Variants in COLQ observed in about 807,000 individuals in gnomAD.
COLQ encodes the protein acetylcholinesterase collagenic tail peptide.
In COLQ, 48 loss-of-function variants were observed where a neutral mutation model predicts 69.0. That is an observed-to-expected ratio of 0.70 (90% CI 0.55 to 0.88). The LOEUF is 0.88. Among genes scored for constraint, COLQ ranks in the 40% least tolerant of loss-of-function variants. The pLI is 0.00. For missense variants in COLQ, 618 were observed against 594.6 expected, an observed-to-expected ratio of 1.04 and a Z score of -0.41; for synonymous variants, 217 against 211.2, an observed-to-expected ratio of 1.03 and a Z score of -0.24.
chr3:15,490,206 C>T (rs1045823144), intron 1 of COLQ, among the ~76,000 whole-genome samples: 2 of 152,182 alleles, frequency 1.3e-5, no homozygotes, highest in Admixed American at 1.3e-4. Context: ...TCTGCAGTAT[C>T]AGGAAATAAA....
In COLQ at chr3:15,477,183, G is replaced by A. The variant is rs772842453; in HGVS notation, c.408C>T (p.Pro136=). 52 of 1,605,922 alleles carry A rather than the reference G, an allele frequency of 3.2e-5. No homozygotes were observed. Among genetic ancestry groups the A allele is most frequent in the Non-Finnish European group, 4.4e-5 (52 of 1,176,688 alleles). Residue 136 remains proline, a synonymous_variant, in exon 6 of 17, where the codon CCC becomes CCT. Transcript: ENST00000383788. ...GRPGRKGRPG[P]PGVPGMPGPI... Reference sequence around the variant, plus strand: ...GCCCAGGCATGCCAGGAACACCTGGGGGGCCAGGTCTACCCTTCAAAGACC... The same window carrying A: ...GCCCAGGCATGCCAGGAACACCTGGAGGGCCAGGTCTACCCTTCAAAGACC...
intron 5 of COLQ, 80 bp downstream of exon 5, chr3:15,478,897 T>C (rs1042160684): frequency 6.4e-7 from 1 of 1,557,022 alleles, no homozygotes; most frequent in South Asian, 1.1e-5. Flanking sequence ...TGCATTGCTG[T>C]TCCCCCCTCC....
chr3:15,476,804 C>T (rs1007695231), intron 6 of COLQ, among the ~76,000 whole-genome samples: 4 of 152,192 alleles, frequency 2.6e-5, no homozygotes, highest in African/African-American at 7.2e-5. Flanking sequence ...GCTTCCCAGA[C>T]GCAAGCCCCT....
At chr3:15,494,958 G>A (rs1244735053) in intron 1 of COLQ, among the ~76,000 whole-genome samples, 2 of 152,086 alleles carry the variant, frequency 1.3e-5, no homozygotes, top group Non-Finnish European at 2.9e-5. Context: ...TAAGAGCTAG[G>A]TACTACTCTT....
intron 1 of COLQ, among the ~76,000 whole-genome samples, chr3:15,514,004 T>C (rs994201989): frequency 6.6e-6 from 1 of 152,130 alleles, no homozygotes; most frequent in African/African-American, 2.4e-5. Flanking sequence ...AATGAGGTAA[T>C]GTGACCACTG....
rs3846128 is a variant in COLQ, at chr3:15,450,643, C to T, written c.*1001G>A. 57,591 of 153,132 alleles carry T rather than the reference C, an allele frequency of 0.38. 10,886 individuals are homozygous for T. The highest frequency in any genetic ancestry group is 0.49 in the East Asian group (2,527 of 5,158). The allele number at this position is 153,132 out of a possible 1,614,324, so 9.5% of individuals were successfully genotyped here. ...CAATATGCAGACATGAAAGAAATGC[C>T]ACGGGACGCTGTCAGGGGTCAGCAG... On this transcript the variant is annotated 3_prime_UTR_variant, in exon 17 of 17. Coordinates refer to ENST00000383788, the MANE Select transcript of COLQ (RefSeq NM_005677.4).
intron 1 of COLQ, among the ~76,000 whole-genome samples, chr3:15,521,217 C>G (rs1423753979): frequency 1.3e-5 from 2 of 152,200 alleles, no homozygotes; most frequent in Non-Finnish European, 2.9e-5. Flanking sequence ...CTCTTTTAAG[C>G]TCTCCCAAAT....
chr3:15,459,501 C>T (rs1226392098), intron 12 of COLQ, among the ~76,000 whole-genome samples: 3 of 138,180 alleles, frequency 2.2e-5, no homozygotes, highest in Admixed American at 7.4e-5. Flanking sequence ...TTTTTGGAGA[C>T]GGAGCCTCAC....
chr3:15,482,086 T>C (rs142566605), intron 3 of COLQ, among the ~76,000 whole-genome samples: 6,420 of 152,324 alleles, frequency 0.042, 176 homozygotes, highest in African/African-American at 0.064. Context: ...TTTGCTGAAG[T>C]TGCTTATCAG....
intron 3 of COLQ, among the ~76,000 whole-genome samples, chr3:15,483,946 T>TCA (rs1298474045): frequency 6.6e-6 from 1 of 152,248 alleles, no homozygotes; most frequent in Non-Finnish European, 1.5e-5. Context: ...CTTATTGAAT[T>TCA]CATCCCTTTA....
chr3:15,456,704 C>G, intron 13 of COLQ, 125 bp from the exon 14 acceptor site: 1 of 1,247,072 alleles, frequency 8.0e-7, no homozygotes, highest in Non-Finnish European at 1.1e-6. Context: ...GGTTTGCACA[C>G]TACACTCTAG....
chr3:15,458,089 A>C, intron 13 of COLQ, 97 bp downstream of exon 13: 1 of 1,416,442 alleles, frequency 7.1e-7, no homozygotes, highest in East Asian at 2.3e-5. Context: ...TCGTGAAAAA[A>C]AGTTAGTTTT....
At chr3:15,472,552 G>T (rs923546596) in intron 10 of COLQ, among the ~76,000 whole-genome samples, 1 of 152,218 alleles carries the variant, frequency 6.6e-6, no homozygotes, top group African/African-American at 2.4e-5. Context: ...ATGATGGTTT[G>T]AGAACTATGT....
intron 1 of COLQ, among the ~76,000 whole-genome samples, chr3:15,490,542 CTCTTT>C (rs2062648539): frequency 6.6e-6 from 1 of 152,224 alleles, no homozygotes; most frequent in African/African-American, 2.4e-5. Context: ...TTTGGCTTCT[CTCTTT>C]TAACATAGTG....
chr3:15,484,713 A>C lies in COLQ; in HGVS notation c.321+3493T>G, dbSNP rs545055451. Reference sequence around the variant, plus strand: ...TTTCTTCCACATGATTGAATTGGCTACTGAAGCTTGTGCATGTGTTGTGTA... The same window carrying C: ...TTTCTTCCACATGATTGAATTGGCTCCTGAAGCTTGTGCATGTGTTGTGTA... On this transcript the variant is annotated intron_variant, in intron 3 of 16. Coordinates refer to ENST00000383788, the MANE Select transcript of COLQ (RefSeq NM_005677.4). Among the ~76,000 whole-genome samples the C allele has an allele frequency of 4.1e-4, 63 of 152,314 alleles. No individual in the cohort carries two copies. In the Middle Eastern group the frequency reaches 0.014, roughly 33 times the overall value.
chr3:15,517,534 T>C (rs544204519), intron 1 of COLQ, among the ~76,000 whole-genome samples: 11 of 152,314 alleles, frequency 7.2e-5, no homozygotes, highest in African/African-American at 2.6e-4. Flanking sequence ...TGTGGGTGGA[T>C]ACTGGAGCCA....
chr3:15,484,111 T>C (rs918727893), intron 3 of COLQ, among the ~76,000 whole-genome samples: 4 of 152,244 alleles, frequency 2.6e-5, no homozygotes, highest in African/African-American at 9.6e-5. Context: ...TGTGTGTCTC[T>C]GCACGTGAGA....
At chr3:15,478,015 A>G (rs1446383714) in intron 5 of COLQ, among the ~76,000 whole-genome samples, 1 of 152,208 alleles carries the variant, frequency 6.6e-6, no homozygotes, top group African/African-American at 2.4e-5. Context: ...TAATTTCGCA[A>G]TTAGCTAGAG....
chr3:15,465,432 A>G (rs1204105747), intron 12 of COLQ, among the ~76,000 whole-genome samples: 1 of 149,234 alleles, frequency 6.7e-6, no homozygotes, highest in Admixed American at 6.7e-5. Flanking sequence ...ACGCCCGGCT[A>G]ATTTTTTGTA....
Sources: allele counts gnomAD v4.1 joint callset (sites outside exome capture counted in the v4.1 genomes callset), GRCh38; gene constraint gnomAD v4.1.1; transcripts MANE v1.5; gene names NCBI Gene and HGNC (gene_info 2026-07-23, HGNC 2026-07-21).